Variants in TBCK observed in about 807,000 individuals in gnomAD.
TBCK encodes the protein TBC domain-containing protein kinase-like protein.
Under a neutral mutation model 113.4 loss-of-function variants are expected in TBCK, and 99 were observed. The ratio of observed to expected loss-of-function variants is 0.87; its 90% confidence interval spans 0.74 to 1.03. The LOEUF is 1.03. TBCK is among the 50% of genes least tolerant of loss of function. The probability of loss-of-function intolerance (pLI) is 0.00; values close to 1 mark genes in which losing one functional copy is unlikely to be tolerated. For synonymous variants in TBCK, 369 were observed against 370.8 expected (o/e 1.00, Z 0.05); for missense variants, 1,045 against 1,061.3 (o/e 0.98, Z 0.21).
chr4:106,308,283 G>A (rs972966587), intron 2 of TBCK, among the ~76,000 whole-genome samples: 6 of 152,186 alleles, frequency 3.9e-5, no homozygotes, highest in Admixed American at 6.5e-5. Context: ...AATCCTCAGA[G>A]GAGAAAAATT....
chr4:106,145,048 G>A (rs551834894), intron 23 of TBCK, among the ~76,000 whole-genome samples: 5 of 148,802 alleles, frequency 3.4e-5, no homozygotes, highest in South Asian at 2.1e-4. Flanking sequence ...GGCCAGGTGC[G>A]GTGGCTTATG....
intron 16 of TBCK, 116 bp downstream of exon 16, chr4:106,233,472 T>C (rs1244908631): frequency 1.1e-5 from 8 of 750,616 alleles, no homozygotes; most frequent in African/African-American, 3.6e-5. Context: ...TAACAATATA[T>C]GTATGCAGCA....
intron 25 of TBCK, among the ~76,000 whole-genome samples, chr4:106,064,924 T>A (rs181519970): frequency 6.6e-6 from 1 of 152,046 alleles, no homozygotes; most frequent in East Asian, 1.9e-4. Flanking sequence ...TGGTACCAAC[T>A]CATTATTCTT....
chr4:106,052,171 GC>G (rs1227850487), intron 25 of TBCK, among the ~76,000 whole-genome samples: 1 of 151,592 alleles, frequency 6.6e-6, no homozygotes, highest in African/African-American at 2.4e-5. Context: ...TAACAATTAG[GC>G]AGTGGTTGCT....
In TBCK at chr4:106,046,420, T is replaced by G. The variant is rs1734220471; in HGVS notation, c.*150A>C. Reference sequence around the variant, plus strand: ...TTGCATGGATAACTGAACATGTGGGTTATGAGATTTTAAAAAATGTCTCGT... The same window carrying G: ...TTGCATGGATAACTGAACATGTGGGGTATGAGATTTTAAAAAATGTCTCGT... On this transcript the variant is annotated 3_prime_UTR_variant, in exon 26 of 26. Transcript: ENST00000394708. The G allele has an allele frequency of 1.8e-6, 1 of 543,146 alleles. No homozygotes were observed. Among genetic ancestry groups the G allele is most frequent in the African/African-American group, 1.9e-5 (1 of 51,724 alleles). 33.6% of individuals were successfully genotyped at this position (543,146 alleles called of 1,614,324 possible).
chr4:106,251,943 G>A lies in TBCK; in HGVS notation c.520C>T (p.Pro174Ser). Reference sequence around the variant, plus strand: ...CCAGAAGGCAATGGTTTTTTACTTGGCATGTGATCAGTGGTTTTGAAAATT... The same window carrying A: ...CCAGAAGGCAATGGTTTTTTACTTGACATGTGATCAGTGGTTTTGAAAATT... ...QGIFKTTDHM[P>S]SKKPLPSGPK... The change falls in exon 6 of 26, where the codon CCA becomes TCA. Residue 174 changes from proline (P) to serine (S), a missense_variant. Physicochemically the swap from Pro to Ser is moderately conservative, Grantham distance 74 (BLOSUM62 -1). Coordinates refer to ENST00000394708, the MANE Select transcript of TBCK (RefSeq NM_001163435.3). 1 of 1,611,802 alleles carries A rather than the reference G, an allele frequency of 6.2e-7. No individual in the cohort carries two copies. The highest frequency in any genetic ancestry group is 8.5e-7 in the Non-Finnish European group (1 of 1,178,500).
chr4:106,270,675 A>G (rs1473904813), intron 3 of TBCK, among the ~76,000 whole-genome samples: 1 of 152,182 alleles, frequency 6.6e-6, no homozygotes, highest in African/African-American at 2.4e-5. Flanking sequence ...GTGGACTAAT[A>G]TTTTAGATGA....
chr4:106,232,607 A>C (rs1465755838), intron 17 of TBCK, among the ~76,000 whole-genome samples: 1 of 151,980 alleles, frequency 6.6e-6, no homozygotes, highest in East Asian at 1.9e-4. Context: ...GAAATCATTA[A>C]CTATAAGAAT....
intron 5 of TBCK, among the ~76,000 whole-genome samples, chr4:106,258,138 C>T (rs944190240): frequency 5.3e-5 from 8 of 151,912 alleles, no homozygotes; most frequent in Non-Finnish European, 1.2e-4. Context: ...TAATGTAGTT[C>T]ATCTTTTTTC....
At chr4:106,085,087 C>T (rs990889253) in intron 25 of TBCK, among the ~76,000 whole-genome samples, 2 of 152,146 alleles carry the variant, frequency 1.3e-5, no homozygotes, top group Non-Finnish European at 2.9e-5. Context: ...ATCAAATTCA[C>T]ACATAACAAT....
chr4:106,267,564 A>G (rs986287361), intron 3 of TBCK, among the ~76,000 whole-genome samples: 1 of 151,982 alleles, frequency 6.6e-6, no homozygotes, highest in African/African-American at 2.4e-5. Context: ...AAATTTACTT[A>G]TAACATTGGT....
intron 22 of TBCK, among the ~76,000 whole-genome samples, chr4:106,174,425 T>C (rs1181937150): frequency 6.6e-6 from 1 of 152,122 alleles, no homozygotes. Flanking sequence ...TCTTCTGAGT[T>C]ATTAAAGGTA....
intron 19 of TBCK, among the ~76,000 whole-genome samples, chr4:106,215,168 G>C (rs1040329102): frequency 1.3e-5 from 2 of 151,730 alleles, no homozygotes; most frequent in African/African-American, 4.8e-5. Context: ...CAAATGCTGA[G>C]AGATTTTGTC....
rs943979867 is a variant in TBCK at position 106,289,269 on chromosome 4, C to T, written c.266+5825G>A. On this transcript the variant is annotated intron_variant, in intron 3 of 25. Transcript: ENST00000394708. ...GTGAGGCAAATGAAGTACTACAGTACAAAATTTAAGGAGGCCTTATAACTA... is the reference window on the plus strand; with the variant it reads ...GTGAGGCAAATGAAGTACTACAGTATAAAATTTAAGGAGGCCTTATAACTA... 1.2e-4 allele frequency among the ~76,000 whole-genome samples: 18 copies of T among 152,238 alleles called. No individual in the cohort carries two copies. In the Middle Eastern group the frequency reaches 0.01, roughly 86 times the overall value.
chr4:106,214,309 G>A (rs190663640), intron 19 of TBCK, among the ~76,000 whole-genome samples: 21,492 of 152,086 alleles, frequency 0.14, 1,708 homozygotes, highest in South Asian at 0.25. Context: ...AAATCAGAGC[G>A]CCTCTCCTCC....
At chr4:106,216,183 A>C (rs1219607769) in intron 19 of TBCK, among the ~76,000 whole-genome samples, 1 of 151,868 alleles carries the variant, frequency 6.6e-6, no homozygotes, top group African/African-American at 2.4e-5. Flanking sequence ...ACAAAGACAC[A>C]ACATACCAGA....
At chr4:106,099,925 A>G (rs1266763447) in intron 24 of TBCK, among the ~76,000 whole-genome samples, 4 of 152,172 alleles carry the variant, frequency 2.6e-5, no homozygotes, top group Admixed American at 6.6e-5. Context: ...CTATAGGACA[A>G]AGCCCATATT....
chr4:106,281,371 A>T (rs1482530955), intron 3 of TBCK, among the ~76,000 whole-genome samples: 1 of 151,950 alleles, frequency 6.6e-6, no homozygotes, highest in African/African-American at 2.4e-5. Context: ...AACAAGGATA[A>T]TTCAACTTTT....
intron 23 of TBCK, among the ~76,000 whole-genome samples, chr4:106,134,136 C>T (rs1159629726): frequency 6.6e-6 from 1 of 151,820 alleles, no homozygotes; most frequent in Non-Finnish European, 1.5e-5. Context: ...AATGACAGTA[C>T]ACTTTTTGTT....
Sources: gnomAD v4.1 joint callset for allele counts (sites outside exome capture counted in the v4.1 genomes callset) on GRCh38, gnomAD v4.1.1 for gene constraint, MANE v1.5 for transcripts, NCBI Gene and HGNC (gene_info 2026-07-23, HGNC 2026-07-21) for gene names.